The following WDR72 variants were observed in gnomAD, a reference collection of about 807,000 sequenced individuals.
The protein encoded by WDR72 is WD repeat domain 72.
A neutral mutation model predicts 124.2 loss-of-function variants in WDR72; 120 were observed. The ratio of observed to expected loss-of-function variants is 0.97; its 90% confidence interval spans 0.83 to 1.12. The LOEUF (loss-of-function observed/expected upper bound fraction) is 1.12, where lower values mean the gene tolerates loss of function less well. Ranked by LOEUF, WDR72 falls within the 50% of genes most tolerant of loss-of-function variation. The pLI, the probability that WDR72 is intolerant of heterozygous loss-of-function variation, is 0.00. For synonymous variants in WDR72, 452 were observed against 441.7 expected (o/e 1.02, Z -0.29); for missense variants, 1,387 against 1,278.8 (o/e 1.08, Z -1.29).
chr15:53,594,796 C>A (rs557513121), intron 18 of WDR72, among the ~76,000 whole-genome samples: 3 of 150,918 alleles, frequency 2.0e-5, no homozygotes, highest in Non-Finnish European at 4.4e-5. Context: ...CCCCACCCCC[C>A]CAAAAAAAAT....
chr15:53,543,358 CT>C (rs1893255762), intron 18 of WDR72, among the ~76,000 whole-genome samples: 1 of 152,102 alleles, frequency 6.6e-6, no homozygotes, highest in South Asian at 2.1e-4. Context: ...AACCGCTCAA[CT>C]ACATGGAAAC....
At chr15:53,633,790 A>C (rs1403927306) in intron 14 of WDR72, among the ~76,000 whole-genome samples, 2 of 152,224 alleles carry the variant, frequency 1.3e-5, no homozygotes, top group Admixed American at 6.5e-5. Context: ...ATGTGTAAAA[A>C]TACTAAAACA....
At chr15:53,708,081 C>T (rs1374987547) in intron 9 of WDR72, among the ~76,000 whole-genome samples, 1 of 152,152 alleles carries the variant, frequency 6.6e-6, no homozygotes, top group African/African-American at 2.4e-5. Context: ...CTTGGTCCCT[C>T]GCTCCTCCTC....
intron 14 of WDR72, among the ~76,000 whole-genome samples, chr15:53,654,473 T>C (rs1464601899): frequency 6.6e-6 from 1 of 152,188 alleles, no homozygotes; most frequent in East Asian, 1.9e-4. Flanking sequence ...AATAACTCAA[T>C]GTTTTAAAAT....
At chr15:53,755,433 A>T (rs2018875814) in intron 1 of WDR72, among the ~76,000 whole-genome samples, 1 of 152,204 alleles carries the variant, frequency 6.6e-6, no homozygotes, top group Admixed American at 6.5e-5. Context: ...AGCTAAATAC[A>T]TTGTATTTCT....
upstream of WDR72, chr15:53,762,743 A>G (rs115608273): frequency 6.0e-3 from 915 of 152,362 alleles, 6 homozygotes; most frequent in African/African-American, 0.021. Flanking sequence ...TGCTGTAGCT[A>G]GCTTAGTGGT....
chr15:53,760,781 T>G (rs866428131), upstream of WDR72, among the ~76,000 whole-genome samples: 1 of 152,210 alleles, frequency 6.6e-6, no homozygotes, highest in Non-Finnish European at 1.5e-5. Context: ...GTGGTGGTAC[T>G]AAAGAGCTTA....
chr15:53,536,764 A>G (rs920400683), intron 18 of WDR72, among the ~76,000 whole-genome samples: 1 of 152,214 alleles, frequency 6.6e-6, no homozygotes, highest in Non-Finnish European at 1.5e-5. Flanking sequence ...TGAGAAATGT[A>G]CCAAAGCAGT....
upstream of WDR72, among the ~76,000 whole-genome samples, chr15:53,760,814 T>G (rs539118687): frequency 6.6e-6 from 1 of 152,166 alleles, no homozygotes; most frequent in African/African-American, 2.4e-5. Flanking sequence ...GGAAAAAATA[T>G]AATAATTCAG....
intron 18 of WDR72, among the ~76,000 whole-genome samples, chr15:53,559,682 G>A (rs991441398): frequency 6.6e-5 from 10 of 151,940 alleles, no homozygotes; most frequent in East Asian, 3.9e-4. Flanking sequence ...CACAGTAGGC[G>A]GCCATAAAGT....
intron 11 of WDR72, among the ~76,000 whole-genome samples, chr15:53,704,543 ATGGAG>A (rs1195975328): frequency 3.0e-4 from 46 of 151,416 alleles, no homozygotes; most frequent in African/African-American, 1.1e-3. Flanking sequence ...TTTTTTTGAG[ATGGAG>A]TGGAGTCTTG....
chr15:53,662,206 T>C (rs2015631673), intron 14 of WDR72, among the ~76,000 whole-genome samples: 1 of 152,194 alleles, frequency 6.6e-6, no homozygotes, highest in Non-Finnish European at 1.5e-5. Context: ...ATCATGAATA[T>C]GATATTGTAT....
chr15:53,627,223 T>A (rs1450125613), intron 14 of WDR72, among the ~76,000 whole-genome samples: 4 of 152,214 alleles, frequency 2.6e-5, no homozygotes, highest in Non-Finnish European at 5.9e-5. Flanking sequence ...TATTTATTAT[T>A]TTTAAAAGAT....
At chr15:53,585,266 C>A (rs140357873) in intron 18 of WDR72, among the ~76,000 whole-genome samples, 1 of 151,976 alleles carries the variant, frequency 6.6e-6, no homozygotes, top group Non-Finnish European at 1.5e-5. Context: ...GAAGCAGGCA[C>A]CTTCTTTACA....
intron 13 of WDR72, among the ~76,000 whole-genome samples, chr15:53,686,872 C>T (rs1360691288): frequency 6.6e-6 from 1 of 151,780 alleles, no homozygotes; most frequent in Non-Finnish European, 1.5e-5. Context: ...TCTCAGACCA[C>T]AGTGCAATCA....
rs771748610 is a variant in WDR72 at position 53,597,284 on chromosome 15, A to AT, written c.2953-11dup. 2.5e-6 allele frequency: 4 copies of AT among 1,612,784 alleles called. No homozygotes were observed. The highest frequency in any genetic ancestry group is 3.4e-6 in the Non-Finnish European group (4 of 1,179,448). ...GTATTGCTTCAGTTACCTGTAAGGT[A>AT]TTTTTTTAAGTGAATTATTTTTAGT... is the stretch of plus-strand genomic sequence containing the variant. On this transcript the variant is annotated splice_polypyrimidine_tract_variant and intron_variant, in intron 17 of 19. Transcript: ENST00000360509.
chr15:53,697,638 A>G (rs2017044182), intron 13 of WDR72, among the ~76,000 whole-genome samples: 2 of 152,140 alleles, frequency 1.3e-5, no homozygotes, highest in East Asian at 3.9e-4. Flanking sequence ...CCACACCTCT[A>G]TAAATAGTCC....
intron 18 of WDR72, among the ~76,000 whole-genome samples, chr15:53,576,086 AC>A (rs943428578): frequency 5.3e-5 from 8 of 152,076 alleles, no homozygotes; most frequent in Non-Finnish European, 1.2e-4. Flanking sequence ...CCCCACCCCA[AC>A]TTTAAGCCTG....
chr15:53,654,566 C>T (rs2140432914), intron 14 of WDR72, among the ~76,000 whole-genome samples: 1 of 152,288 alleles, frequency 6.6e-6, no homozygotes, highest in East Asian at 1.9e-4. Context: ...CATAGCTGGG[C>T]CTTTGCGGTA....
Sources: gnomAD v4.1 joint callset for allele counts (sites outside exome capture counted in the v4.1 genomes callset) on GRCh38, gnomAD v4.1.1 for gene constraint, MANE v1.5 for transcripts, NCBI Gene and HGNC (gene_info 2026-07-23, HGNC 2026-07-21) for gene names.